Variants in ABTB2 observed in about 807,000 individuals in gnomAD.
ABTB2 encodes ankyrin repeat and BTB/POZ domain-containing protein 2.
ABTB2 carries 56 observed loss-of-function variants against 104.1 expected under a neutral mutation model. The ratio of observed to expected loss-of-function variants is 0.54; its 90% CI spans 0.43 to 0.67. The LOEUF is 0.67. ABTB2 is among the 30% of genes least tolerant of loss of function. The pLI is 0.00. For missense variants in ABTB2, 1,279 were observed against 1,407.7 expected (o/e 0.91, Z 1.46); for synonymous variants, 606 against 608.2 (o/e 1.00, Z 0.05).
intron 3 of ABTB2, among the ~76,000 whole-genome samples, chr11:34,184,975 G>C (rs1271063299): frequency 6.6e-6 from 1 of 152,216 alleles, no homozygotes; most frequent in Admixed American, 6.5e-5. Flanking sequence ...ACCACCCATT[G>C]GCCTCTGCCA....
At position 34,244,932 on chromosome 11, in the gene ABTB2, C is replaced by T. The variant is rs956257617; in HGVS notation, c.884-40242G>A. On this transcript the variant is annotated intron_variant, in intron 1 of 16. Coordinates refer to ENST00000435224, the MANE Select transcript of ABTB2 (RefSeq NM_145804.3). ...CTGAAGTGGATGGATCGCCTGAGCC[C>T]GGGAAGTCAAGGCTGGATTAAGCAG... Among the ~76,000 whole-genome samples the T allele has an allele frequency of 5.3e-5, 5 of 93,736 alleles. 1 individual carries two copies. In the South Asian group the frequency reaches 1.0e-3, roughly 19 times the overall value. 61.5% of individuals were successfully genotyped at this position (93,736 alleles called of 152,430 possible).
chr11:34,171,096 C>T (rs375179686), intron 4 of ABTB2, 25 bp from the exon 5 acceptor site: 61 of 1,608,380 alleles, frequency 3.8e-5, no homozygotes, highest in Non-Finnish European at 4.8e-5. Context: ...CCCAAAGGTG[C>T]GTGTGACTGT....
At chr11:34,311,895 C>T (rs1056534921) in intron 1 of ABTB2, among the ~76,000 whole-genome samples, 1 of 152,184 alleles carries the variant, frequency 6.6e-6, no homozygotes, top group African/African-American at 2.4e-5. Flanking sequence ...AATCCCAGCA[C>T]TTTGGGAGGC....
At chr11:34,286,636 C>T (rs1590242169) in intron 1 of ABTB2, among the ~76,000 whole-genome samples, 1 of 152,090 alleles carries the variant, frequency 6.6e-6, no homozygotes, top group African/African-American at 2.4e-5. Context: ...TCCTAGGTTC[C>T]TTCGCCAGCA....
chr11:34,313,195 A>T (rs2133106246), intron 1 of ABTB2, among the ~76,000 whole-genome samples: 1 of 152,322 alleles, frequency 6.6e-6, no homozygotes, highest in Non-Finnish European at 1.5e-5. Flanking sequence ...CTTCCCTGGA[A>T]TTAGGTCAGC....
intron 3 of ABTB2, among the ~76,000 whole-genome samples, chr11:34,176,421 C>T (rs1320851231): frequency 6.6e-6 from 1 of 152,206 alleles, no homozygotes; most frequent in African/African-American, 2.4e-5. Flanking sequence ...ACAATGACTT[C>T]CTCATCTCTG....
At chr11:34,197,624 G>T in intron 2 of ABTB2, 86 bp from the exon 3 acceptor site, 1 of 998,946 alleles carries the variant, frequency 1.0e-6, no homozygotes, top group Non-Finnish European at 1.4e-6. Flanking sequence ...TTCCAAGGAT[G>T]TTCCTGGCTG....
chr11:34,331,885 T>G (rs1855134918), intron 1 of ABTB2, among the ~76,000 whole-genome samples: 1 of 152,124 alleles, frequency 6.6e-6, no homozygotes, highest in Non-Finnish European at 1.5e-5. Flanking sequence ...ATTTATGGAG[T>G]GAGCAGAAGT....
intron 1 of ABTB2, among the ~76,000 whole-genome samples, chr11:34,316,184 A>C (rs1470863086): frequency 6.6e-6 from 1 of 152,218 alleles, no homozygotes; most frequent in Non-Finnish European, 1.5e-5. Flanking sequence ...GAGGGGAGAC[A>C]GCCCTCACTG....
rs67998044 is a variant in ABTB2 at position 34,232,449 on chromosome 11, C to CAAAAAAA, written c.884-27766_884-27760dup. 1.3e-4 allele frequency among the ~76,000 whole-genome samples: 15 copies of CAAAAAAA among 115,312 alleles called. 1 individual carries two copies. The highest frequency in any genetic ancestry group is 1.8e-4 in the Non-Finnish European group (10 of 54,060). The allele number at this position is 115,312 out of a possible 152,430, so 75.6% of individuals were successfully genotyped here. A position where few individuals can be genotyped will look rare whatever the true frequency, so the allele number is the denominator to read the frequency against. On this transcript the variant is annotated intron_variant, in intron 1 of 16. Transcript: ENST00000435224. ...TGGGCAATAGAGGGAGACTCTGTCTCAAAAAAAAAAAAAAAAATTGTTCTT... is the reference window on the plus strand; with the variant it reads ...TGGGCAATAGAGGGAGACTCTGTCTCAAAAAAAAAAAAAAAAAAAAAAAATTGTTCTT...
intron 1 of ABTB2, among the ~76,000 whole-genome samples, chr11:34,308,533 C>T (rs1854806495): frequency 6.6e-6 from 1 of 152,102 alleles, no homozygotes; most frequent in Non-Finnish European, 1.5e-5. Flanking sequence ...CTTGAGTCAT[C>T]AAGAACATAG....
chr11:34,184,375 G>A (rs902268640), intron 3 of ABTB2, among the ~76,000 whole-genome samples: 2 of 152,178 alleles, frequency 1.3e-5, no homozygotes, highest in Non-Finnish European at 2.9e-5. Flanking sequence ...TGGGAAGGCA[G>A]CTAGGATGTA....
Position 34,323,361 on chromosome 11 carries a change from T to C in ABTB2, c.883+33340A>G, listed in dbSNP as rs1048073007. On this transcript the variant is annotated intron_variant, in intron 1 of 16. Coordinates refer to ENST00000435224, the MANE Select transcript of ABTB2 (RefSeq NM_145804.3). Reference sequence around the variant, plus strand: ...AACAGTTCAATCTATGTGATGGATATACAGAGGTTATTACGTAAGCCTGTA... The same window carrying C: ...AACAGTTCAATCTATGTGATGGATACACAGAGGTTATTACGTAAGCCTGTA... Among the ~76,000 whole-genome samples, 5 of 152,228 alleles carry C rather than the reference T, an allele frequency of 3.3e-5. 1 individual carries two copies. Among genetic ancestry groups the C allele is most frequent in the Non-Finnish European group, 5.9e-5 (4 of 68,048 alleles).
At chr11:34,188,628 G>C (rs73507427) in intron 3 of ABTB2, among the ~76,000 whole-genome samples, 2,694 of 152,290 alleles carry the variant, frequency 0.018, 50 homozygotes, top group African/African-American at 0.043. Context: ...TGCACAAAAA[G>C]GGGGAGAGGA....
At chr11:34,276,901 C>T (rs2755161) in intron 1 of ABTB2, among the ~76,000 whole-genome samples, 49,978 of 152,000 alleles carry the variant, frequency 0.33, 10,480 homozygotes, top group African/African-American at 0.59. Context: ...CTGAGAAGTA[C>T]GTGTGTATGT....
intron 1 of ABTB2, among the ~76,000 whole-genome samples, chr11:34,344,714 T>C (rs1393751262): frequency 8.5e-5 from 13 of 152,206 alleles, no homozygotes; most frequent in Non-Finnish European, 1.9e-4. Context: ...CCCGGTCTGA[T>C]CTCGAACTCC....
At chr11:34,286,591 C>T (rs1854508723) in intron 1 of ABTB2, among the ~76,000 whole-genome samples, 1 of 152,090 alleles carries the variant, frequency 6.6e-6, no homozygotes, top group Non-Finnish European at 1.5e-5. Context: ...CCATGCCCGG[C>T]CTCAAAATAT....
intron 2 of ABTB2, among the ~76,000 whole-genome samples, chr11:34,199,598 T>TA (rs1024746832): frequency 6.6e-6 from 1 of 152,196 alleles, no homozygotes; most frequent in Non-Finnish European, 1.5e-5. Flanking sequence ...CAGGGCCTGT[T>TA]ACTGTTAATT....
In ABTB2 at chr11:34,306,982, TA is replaced by T. The variant is rs61161318; in HGVS notation, c.883+49718del. Among the ~76,000 whole-genome samples, 605 of 94,536 alleles carry T rather than the reference TA, an allele frequency of 6.4e-3. 2 individuals carry two copies. Among genetic ancestry groups the T allele is most frequent in the Non-Finnish European group, 7.9e-3 (360 of 45,560 alleles). 62.0% of individuals were successfully genotyped at this position (94,536 alleles called of 152,430 possible). A position where few individuals can be genotyped will look rare whatever the true frequency, so the allele number is the denominator to read the frequency against. On this transcript the variant is annotated intron_variant, in intron 1 of 16. Coordinates refer to ENST00000435224, the MANE Select transcript of ABTB2 (RefSeq NM_145804.3). ...ACAGCTAGCACCATGTCAGGAAACT[TA>T]AAAAAAAAAAAAAAAAAAAAAGAAA...
Sources: allele counts gnomAD v4.1 joint callset (sites outside exome capture counted in the v4.1 genomes callset), GRCh38; gene constraint gnomAD v4.1.1; transcripts MANE v1.5; gene names NCBI Gene and HGNC (gene_info 2026-07-23, HGNC 2026-07-21).